THSD4: variants seen among roughly 807,000 people sequenced by gnomAD.
THSD4 encodes the protein thrombospondin type 1 domain containing 4.
A neutral mutation model predicts 119.0 loss-of-function variants in THSD4; 69 were observed. The observed-to-expected ratio is 0.58, with a 90% CI of 0.48 to 0.71. The LOEUF (loss-of-function observed/expected upper bound fraction) is 0.71. Among genes scored for constraint, THSD4 ranks in the 30% least tolerant of loss-of-function variants. The pLI is 0.00. For missense variants in THSD4, 1,393 were observed against 1,391.1 expected (o/e 1.00, Z -0.02); for synonymous variants, 524 against 540.4 (o/e 0.97, Z 0.42).
chr15:71,637,110 C>T (rs1269291686), intron 7 of THSD4, among the ~76,000 whole-genome samples: 1 of 152,110 alleles, frequency 6.6e-6, no homozygotes, highest in Non-Finnish European at 1.5e-5. Context: ...TGGTCTTGAA[C>T]TCCTGACCTC....
intron 7 of THSD4, among the ~76,000 whole-genome samples, chr15:71,423,004 G>A (rs893257058): frequency 3.3e-5 from 5 of 152,150 alleles, no homozygotes; most frequent in Non-Finnish European, 7.3e-5. Context: ...CCAGGCTGTC[G>A]CTGATGTTCA....
At chr15:71,105,800 C>A (rs980720905) in intron 1 of THSD4, among the ~76,000 whole-genome samples, 1 of 152,242 alleles carries the variant, frequency 6.6e-6, no homozygotes, top group African/African-American at 2.4e-5. Context: ...CAAGATTGAA[C>A]CACAACCTCA....
In THSD4 at chr15:71,660,646, C is replaced by T. The variant is rs547393774; in HGVS notation, c.1269C>T (p.Thr423=). The change falls in exon 8 of 18, where the codon ACC becomes ACT. Residue 423 remains threonine, a synonymous_variant. Transcript: ENST00000261862. ...VVSGVFKHAL[T]SLGYHRVVEI... ...CGGGCGTGTTTAAGCATGCCCTCAC[C>T]AGCCTGGGCTACCACCGCGTCGTGG... 1 of 1,614,130 alleles carries T rather than the reference C, an allele frequency of 6.2e-7. No homozygotes were observed. Among genetic ancestry groups the T allele is most frequent in the South Asian group, 1.1e-5 (1 of 91,070 alleles).
At chr15:71,455,541 G>C (rs1039895987) in intron 7 of THSD4, among the ~76,000 whole-genome samples, 6 of 152,070 alleles carry the variant, frequency 3.9e-5, no homozygotes, top group African/African-American at 1.2e-4. Flanking sequence ...GTCTCTTGAG[G>C]TGGGTCCATA....
At chr15:71,299,273 T>G (rs1377188524) in intron 6 of THSD4, among the ~76,000 whole-genome samples, 2 of 152,248 alleles carry the variant, frequency 1.3e-5, no homozygotes, top group African/African-American at 4.8e-5. Context: ...TTCAACTATT[T>G]ACACTGTTTA....
At chr15:71,637,732 T>TG (rs2050773946) in intron 7 of THSD4, among the ~76,000 whole-genome samples, 1 of 152,030 alleles carries the variant, frequency 6.6e-6, no homozygotes, top group Non-Finnish European at 1.5e-5. Flanking sequence ...TTATGAATTT[T>TG]TTTTTTTTTT....
chr15:71,611,545 T>C (rs2050228525), intron 7 of THSD4, among the ~76,000 whole-genome samples: 1 of 152,226 alleles, frequency 6.6e-6, no homozygotes, highest in Admixed American at 6.5e-5. Context: ...TGCTTTGTGC[T>C]AAGCACTGGG....
chr15:71,158,430 G>A (rs556591086), intron 3 of THSD4, among the ~76,000 whole-genome samples: 2 of 152,212 alleles, frequency 1.3e-5, no homozygotes, highest in African/African-American at 4.8e-5. Flanking sequence ...TAGGATTACA[G>A]GTGGGAGCCA....
chr15:71,773,042 C>T lies in THSD4; in HGVS notation c.2914+1834C>T, dbSNP rs145785151. ...TGGGAAACCCCATCTTGGCAAAAAA[C>T]GCTTAAAAATTAGCTGGGCATGGTA... On this transcript the variant is annotated intron_variant, in intron 17 of 17. Transcript: ENST00000261862. Among the ~76,000 whole-genome samples, 66 of 151,638 alleles carry T rather than the reference C, an allele frequency of 4.4e-4. No individual in the cohort carries two copies. The East Asian group carries it at 0.011, about 26-fold the overall frequency.
chr15:71,182,455 C>A (rs1263600925), intron 3 of THSD4, among the ~76,000 whole-genome samples: 1 of 151,724 alleles, frequency 6.6e-6, no homozygotes, highest in African/African-American at 2.4e-5. Context: ...GACTTTAGGA[C>A]TATAAATGGT....
chr15:71,242,865 T>A lies in THSD4; in HGVS notation c.681T>A (p.Ser227Arg), dbSNP rs1404760642. 6.2e-7 allele frequency: 1 copy of A among 1,614,076 alleles called. No homozygotes were observed. Among genetic ancestry groups the A allele is most frequent in the East Asian group, 2.2e-5 (1 of 44,894 alleles). The change falls in exon 5 of 18, where the codon AGT (serine) becomes AGA (arginine). Residue 227 changes from serine to arginine, a missense_variant. By Grantham distance (110) the Ser-to-Arg change is moderately radical. Coordinates refer to ENST00000261862, the MANE Select transcript of THSD4 (RefSeq NM_024817.3). ...QVPQHGPLYQ[S>R]DSGPRSGLQA... Reference sequence around the variant, plus strand: ...CCCAACATGGGCCTTTGTACCAAAGTGACAGTGGCCCTCGCTCTGGACTGC... The same window carrying A: ...CCCAACATGGGCCTTTGTACCAAAGAGACAGTGGCCCTCGCTCTGGACTGC...
chr15:71,384,612 T>A (rs1340434575), intron 6 of THSD4, among the ~76,000 whole-genome samples: 1 of 152,196 alleles, frequency 6.6e-6, no homozygotes, highest in African/African-American at 2.4e-5. Flanking sequence ...AATAGTCTTT[T>A]AAAAGAGGCA....
At chr15:71,223,413 A>T (rs2043990638) in intron 4 of THSD4, among the ~76,000 whole-genome samples, 1 of 152,266 alleles carries the variant, frequency 6.6e-6, no homozygotes, top group Non-Finnish European at 1.5e-5. Flanking sequence ...TTAGTGTTAC[A>T]TAGGAATACT....
intron 7 of THSD4, among the ~76,000 whole-genome samples, chr15:71,487,134 G>A (rs1412354180): frequency 6.6e-6 from 1 of 152,190 alleles, no homozygotes; most frequent in Non-Finnish European, 1.5e-5. Flanking sequence ...GTATGCCAGT[G>A]CAACATGCTT....
intron 6 of THSD4, among the ~76,000 whole-genome samples, chr15:71,399,239 G>A (rs975964455): frequency 2.6e-5 from 4 of 152,154 alleles, no homozygotes; most frequent in African/African-American, 7.2e-5. Context: ...GCTTGTGTGA[G>A]CCTTAGGTTC....
At position 71,402,149 on chromosome 15, in the gene THSD4, C is replaced by G. The variant is rs146786900; in HGVS notation, c.1016-9538C>G. On this transcript the variant is annotated intron_variant, in intron 6 of 17. Coordinates refer to ENST00000261862, the MANE Select transcript of THSD4 (RefSeq NM_024817.3). ...GATAGCCTTAGGAGATATACCTAAT[C>G]TAAATGACAAGTTAATGGGTGCAGC... Among the ~76,000 whole-genome samples the G allele has an allele frequency of 7.5e-3, 1,136 of 151,366 alleles. 19 individuals are homozygous for G. Among genetic ancestry groups the G allele is most frequent in the African/African-American group, 0.026 (1,083 of 41,092 alleles).
At chr15:71,392,790 G>T (rs1189775010) in intron 6 of THSD4, among the ~76,000 whole-genome samples, 3 of 152,156 alleles carry the variant, frequency 2.0e-5, no homozygotes, top group Non-Finnish European at 4.4e-5. Flanking sequence ...TGCTTTTCAT[G>T]TGTCTTCTGT....
At chr15:71,551,665 G>T (rs1439650176) in intron 7 of THSD4, among the ~76,000 whole-genome samples, 1 of 152,076 alleles carries the variant, frequency 6.6e-6, no homozygotes, top group African/African-American at 2.4e-5. Flanking sequence ...TTTTCCCAGG[G>T]AAGGCACGCA....
At chr15:71,714,448 T>C (rs906361316) in intron 8 of THSD4, among the ~76,000 whole-genome samples, 2 of 152,212 alleles carry the variant, frequency 1.3e-5, no homozygotes, top group Non-Finnish European at 2.9e-5. Context: ...GGATAAGCTT[T>C]AGGAGTGTCT....
Sources: gnomAD v4.1 joint callset for allele counts (sites outside exome capture counted in the v4.1 genomes callset) on GRCh38, gnomAD v4.1.1 for gene constraint, MANE v1.5 for transcripts, NCBI Gene and HGNC (gene_info 2026-07-23, HGNC 2026-07-21) for gene names.